Variants in TSPAN5 observed in about 807,000 individuals in gnomAD.
TSPAN5 encodes tetraspanin-5.
In TSPAN5, 10 loss-of-function variants were observed where a neutral mutation model predicts 37.1. The observed-to-expected ratio is 0.27, with a 90% CI of 0.17 to 0.46. TSPAN5 has a LOEUF of 0.46. TSPAN5 is among the 20% of genes least tolerant of loss of function. TSPAN5 has a pLI of 1.00. For missense variants in TSPAN5, 195 were observed against 326.6 expected (o/e 0.60, Z 3.11); for synonymous variants, 110 against 118.9 (o/e 0.93, Z 0.48).
intron 4 of TSPAN5, 58 bp from the exon 5 acceptor site, chr4:98,478,868 A>G: frequency 6.3e-7 from 1 of 1,594,086 alleles, no homozygotes; most frequent in South Asian, 1.1e-5. Context: ...AGTCACCTAC[A>G]CTCACACCCG....
At chr4:98,593,044 A>T (rs2110211339) in intron 1 of TSPAN5, among the ~76,000 whole-genome samples, 1 of 74,556 alleles carries the variant, frequency 1.3e-5, no homozygotes, top group Non-Finnish European at 2.6e-5. Context: ...ACTAGTTTAC[A>T]GTCCCACCAA....
At chr4:98,496,375 A>T (rs1413809346) in intron 2 of TSPAN5, 2 of 152,246 alleles carry the variant, frequency 1.3e-5, no homozygotes, top group African/African-American at 4.8e-5. Flanking sequence ...GTCCAGGGAG[A>T]TGTAAGGGAG....
chr4:98,611,258 C>T (rs1054845376), intron 1 of TSPAN5, among the ~76,000 whole-genome samples: 5 of 152,220 alleles, frequency 3.3e-5, no homozygotes, highest in African/African-American at 1.2e-4. Context: ...AAACAAGCCT[C>T]TAATTTGTCT....
intron 1 of TSPAN5, among the ~76,000 whole-genome samples, chr4:98,592,312 C>T (rs373138872): frequency 2.1e-5 from 3 of 146,132 alleles, no homozygotes; most frequent in African/African-American, 5.2e-5. Context: ...CGCTCCTGTT[C>T]GGTGCCACAT....
intron 1 of TSPAN5, chr4:98,560,363 T>C (rs144028789): frequency 6.8e-4 from 104 of 152,364 alleles, no homozygotes; most frequent in African/African-American, 2.3e-3. Context: ...AAAACTTTAA[T>C]ATATTTACTA....
chr4:98,633,898 G>A (rs1756799472), intron 1 of TSPAN5, among the ~76,000 whole-genome samples: 1 of 152,044 alleles, frequency 6.6e-6, no homozygotes, highest in Admixed American at 6.5e-5. Flanking sequence ...TGACCAACAT[G>A]GAGAAACCTC....
intron 1 of TSPAN5, among the ~76,000 whole-genome samples, chr4:98,547,413 C>T (rs1183441864): frequency 6.6e-6 from 1 of 152,142 alleles, no homozygotes; most frequent in South Asian, 2.1e-4. Context: ...GTCGGACTGG[C>T]AGAGCAGAGG....
intron 4 of TSPAN5, among the ~76,000 whole-genome samples, chr4:98,480,282 A>G (rs1303424999): frequency 1.3e-5 from 2 of 152,208 alleles, no homozygotes; most frequent in East Asian, 3.8e-4. Context: ...TATATAGTTG[A>G]TATATCCATT....
At chr4:98,557,927 AG>A (rs1349597742) in intron 1 of TSPAN5, among the ~76,000 whole-genome samples, 2 of 152,222 alleles carry the variant, frequency 1.3e-5, no homozygotes, top group African/African-American at 4.8e-5. Context: ...AAAAACAAAA[AG>A]GTCTACGAAA....
intron 1 of TSPAN5, among the ~76,000 whole-genome samples, chr4:98,578,458 C>T (rs1401266980): frequency 3.9e-5 from 6 of 152,114 alleles, no homozygotes; most frequent in African/African-American, 9.7e-5. Context: ...CAGAGTCTTG[C>T]TCTGTCGCCC....
chr4:98,626,163 C>T (rs934757563), intron 1 of TSPAN5, among the ~76,000 whole-genome samples: 10 of 146,830 alleles, frequency 6.8e-5, no homozygotes, highest in Admixed American at 2.0e-4. Flanking sequence ...GCATCACTCA[C>T]GAACAGCCCA....
At chr4:98,598,648 G>C (rs1391096057) in intron 1 of TSPAN5, among the ~76,000 whole-genome samples, 1 of 152,124 alleles carries the variant, frequency 6.6e-6, no homozygotes, top group African/African-American at 2.4e-5. Flanking sequence ...TTTTTGTAGA[G>C]ATGGGGTTTC....
chr4:98,600,237 T>C (rs1172176371), intron 1 of TSPAN5, among the ~76,000 whole-genome samples: 1 of 152,188 alleles, frequency 6.6e-6, no homozygotes, highest in Non-Finnish European at 1.5e-5. Context: ...TGCCTCAATG[T>C]TGATGGCTGC....
chr4:98,478,059 T>C (rs549423642), intron 5 of TSPAN5, among the ~76,000 whole-genome samples: 4 of 152,374 alleles, frequency 2.6e-5, no homozygotes, highest in African/African-American at 7.2e-5. Flanking sequence ...ATAGATTTTA[T>C]ATTTTATTCT....
intron 1 of TSPAN5, among the ~76,000 whole-genome samples, chr4:98,582,839 A>G (rs1256229180): frequency 1.3e-5 from 2 of 152,090 alleles, no homozygotes; most frequent in African/African-American, 2.4e-5. Context: ...GATTATGTTG[A>G]CTTTGTTCTA....
intron 1 of TSPAN5, among the ~76,000 whole-genome samples, chr4:98,519,224 G>C (rs111703171): frequency 1.3e-5 from 2 of 152,256 alleles, no homozygotes; most frequent in African/African-American, 4.8e-5. Flanking sequence ...AGGTGCAATG[G>C]CTCAGTCTGT....
chr4:98,560,797 G>A (rs1754864356), intron 1 of TSPAN5, among the ~76,000 whole-genome samples: 1 of 152,178 alleles, frequency 6.6e-6, no homozygotes, highest in African/African-American at 2.4e-5. Flanking sequence ...AGGCAGTGTA[G>A]GAAGATGGGG....
chr4:98,503,149 T>C (rs574980758), intron 2 of TSPAN5, among the ~76,000 whole-genome samples: 17 of 152,136 alleles, frequency 1.1e-4, no homozygotes, highest in African/African-American at 4.1e-4. Context: ...CAACTGCCTA[T>C]GAAAATCAGC....
At chr4:98,497,316 CAAAAAA>C (rs398051229) in intron 2 of TSPAN5, among the ~76,000 whole-genome samples, 2 of 101,860 alleles carry the variant, frequency 2.0e-5, no homozygotes, top group Admixed American at 2.1e-4. Context: ...GACTCCATCT[CAAAAAA>C]AAAAAAAAAA....
Sources: gnomAD v4.1 joint callset for allele counts (sites outside exome capture counted in the v4.1 genomes callset) on GRCh38, gnomAD v4.1.1 for gene constraint, MANE v1.5 for transcripts, NCBI Gene and HGNC (gene_info 2026-07-23, HGNC 2026-07-21) for gene names.